ZPLD1: variants seen among roughly 807,000 people sequenced by gnomAD.
The protein encoded by ZPLD1 is zona pellucida-like domain-containing protein 1.
A neutral mutation model predicts 47.2 loss-of-function variants in ZPLD1; 34 were observed. The observed-to-expected ratio is 0.72, with a 90% CI of 0.55 to 0.96. The LOEUF is 0.96. Ranked by LOEUF, ZPLD1 falls within the 40% of genes least tolerant of loss-of-function variation. The pLI, the probability that ZPLD1 is intolerant of heterozygous loss-of-function variation, is 0.00. For missense variants in ZPLD1, 512 were observed against 505.8 expected (o/e 1.01, Z -0.12); for synonymous variants, 176 against 186.2 (o/e 0.95, Z 0.45).
At chr3:102,422,835 G>A (rs571032488) in intron 8 of ZPLD1, among the ~76,000 whole-genome samples, 1 of 149,792 alleles carries the variant, frequency 6.7e-6, no homozygotes, top group South Asian at 2.1e-4. Flanking sequence ...TTGTTGTTTT[G>A]CCGTGTCATG....
chr3:102,455,359 A>G (rs113320807), intron 4 of ZPLD1, among the ~76,000 whole-genome samples: 2,024 of 152,290 alleles, frequency 0.013, 41 homozygotes, highest in African/African-American at 0.046. Flanking sequence ...AAGACTGGAG[A>G]ATTCAAGGAA....
chr3:102,389,133 A>G (rs1706467995), intron 6 of ZPLD1, among the ~76,000 whole-genome samples: 1 of 152,220 alleles, frequency 6.6e-6, no homozygotes, highest in African/African-American at 2.4e-5. Context: ...TGGCCCAGGC[A>G]GGTAATTAAG....
At chr3:102,476,566 T>G (rs1227147432) in intron 10 of ZPLD1, among the ~76,000 whole-genome samples, 1 of 152,110 alleles carries the variant, frequency 6.6e-6, no homozygotes, top group Non-Finnish European at 1.5e-5. Flanking sequence ...TTGGCAATAC[T>G]TAAAATAGAG....
chr3:102,412,962 G>A (rs755808832), intron 7 of ZPLD1, among the ~76,000 whole-genome samples: 33 of 151,664 alleles, frequency 2.2e-4, no homozygotes, highest in Non-Finnish European at 2.9e-4. Flanking sequence ...TTATTCAAAT[G>A]ATTTTTGAAA....
At chr3:102,441,969 C>T (rs909539502) in intron 3 of ZPLD1, among the ~76,000 whole-genome samples, 20 of 152,092 alleles carry the variant, frequency 1.3e-4, no homozygotes, top group African/African-American at 4.3e-4. Flanking sequence ...CTACCCTAAG[C>T]GCAGAAACAG....
chr3:102,453,806 G>A (rs1707374513), intron 4 of ZPLD1, among the ~76,000 whole-genome samples: 1 of 152,118 alleles, frequency 6.6e-6, no homozygotes, highest in African/African-American at 2.4e-5. Flanking sequence ...CTAGTTTGTA[G>A]CATTCATTTG....
chr3:102,454,274 C>T (rs1315373405), intron 4 of ZPLD1, among the ~76,000 whole-genome samples: 3 of 152,072 alleles, frequency 2.0e-5, no homozygotes, highest in African/African-American at 7.2e-5. Flanking sequence ...TTATTAAAAA[C>T]GTTTATTCAA....
chr3:102,461,104 T>G, intron 6 of ZPLD1, among the ~76,000 whole-genome samples: 1 of 152,164 alleles, frequency 6.6e-6, no homozygotes. Flanking sequence ...GCATCCCAAC[T>G]ATTACTGTCT....
chr3:102,438,721 G>A (rs922685537), intron 3 of ZPLD1, 128 bp downstream of exon 3: 2 of 581,730 alleles, frequency 3.4e-6, no homozygotes, highest in Non-Finnish European at 5.9e-6. Flanking sequence ...TTAACAAATG[G>A]CAAATGACAA....
chr3:102,470,543 C>A, intron 10 of ZPLD1, 41 bp downstream of exon 10: 1 of 1,528,652 alleles, frequency 6.5e-7, no homozygotes, highest in Non-Finnish European at 9.0e-7. Context: ...ATAGACGGTT[C>A]CAAAATGCCT....
chr3:102,475,325 AGTCTGACTT>A (rs1465589164), intron 10 of ZPLD1, among the ~76,000 whole-genome samples: 2 of 152,260 alleles, frequency 1.3e-5, no homozygotes, highest in African/African-American at 4.8e-5. Flanking sequence ...TGCAGGGGAC[AGTCTGACTT>A]TTGTTAACCT....
At chr3:102,464,291 A>T (rs1257255535) in intron 8 of ZPLD1, 40 bp downstream of exon 8, 1 of 1,343,830 alleles carries the variant, frequency 7.4e-7, no homozygotes, top group African/African-American at 1.4e-5. Context: ...GATACCAATG[A>T]CCCAGTTGTA....
intron 6 of ZPLD1, among the ~76,000 whole-genome samples, chr3:102,459,782 A>G (rs1436061989): frequency 6.6e-6 from 1 of 152,026 alleles, no homozygotes. Context: ...ATTTTTTTCT[A>G]TTATTTACAT....
chr3:102,441,257 C>T (rs980608933), intron 3 of ZPLD1, among the ~76,000 whole-genome samples: 10 of 152,072 alleles, frequency 6.6e-5, no homozygotes, highest in Admixed American at 2.6e-4. Flanking sequence ...GACAGGAAAA[C>T]GAAGTATTTA....
At chr3:102,411,740 A>T (rs1033586972) in intron 7 of ZPLD1, among the ~76,000 whole-genome samples, 1 of 151,834 alleles carries the variant, frequency 6.6e-6, no homozygotes, top group African/African-American at 2.4e-5. Flanking sequence ...GGACAAATAA[A>T]AACTAAAAAT....
intron 8 of ZPLD1, among the ~76,000 whole-genome samples, chr3:102,467,757 T>G (rs1480758811): frequency 6.7e-6 from 1 of 150,138 alleles, no homozygotes; most frequent in East Asian, 1.9e-4. Flanking sequence ...AACTTTGGAG[T>G]AAGGAAACTG....
At chr3:102,460,393 A>G (rs1184623863) in intron 6 of ZPLD1, among the ~76,000 whole-genome samples, 1 of 151,934 alleles carries the variant, frequency 6.6e-6, no homozygotes, top group Non-Finnish European at 1.5e-5. Context: ...TATTTAGAAA[A>G]CCAATGACTT....
chr3:102,406,370 A>G (rs1706685223), intron 7 of ZPLD1, among the ~76,000 whole-genome samples: 1 of 151,938 alleles, frequency 6.6e-6, no homozygotes, highest in Non-Finnish European at 1.5e-5. Flanking sequence ...TAATTGCAAT[A>G]TGTAATTCTC....
intron 3 of ZPLD1, among the ~76,000 whole-genome samples, chr3:102,448,337 AGGGATT>A (rs1707289383): frequency 6.6e-6 from 1 of 152,228 alleles, no homozygotes; most frequent in Non-Finnish European, 1.5e-5. Context: ...AATTCAGGCC[AGGGATT>A]GGACAGTAAA....
Sources: allele counts gnomAD v4.1 joint callset (sites outside exome capture counted in the v4.1 genomes callset), GRCh38; gene constraint gnomAD v4.1.1; transcripts MANE v1.5; gene names NCBI Gene and HGNC (gene_info 2026-07-23, HGNC 2026-07-21).